Variants in COL9A2 observed in about 807,000 individuals in gnomAD.
COL9A2 encodes collagen type IX alpha 2 chain, also known as collagen alpha-2(IX) chain.
COL9A2 carries 66 observed loss-of-function variants against 111.6 expected under a neutral mutation model. That is an observed-to-expected ratio of 0.59 (90% CI 0.48 to 0.73). The LOEUF (loss-of-function observed/expected upper bound fraction) is 0.73. Among genes scored for constraint, COL9A2 ranks in the 30% least tolerant of loss-of-function variants. The pLI is 0.00. For synonymous variants in COL9A2, 353 were observed against 364.1 expected (o/e 0.97, Z 0.35); for missense variants, 881 against 954.1 (o/e 0.92, Z 1.01).
Position 40,310,976 on chromosome 1 carries a change from C to T in COL9A2, c.630+117G>A. 1.4e-6 allele frequency: 2 copies of T among 1,415,926 alleles called. No homozygotes were observed. Among genetic ancestry groups the T allele is most frequent in the Non-Finnish European group, 2.0e-6 (2 of 1,003,700 alleles). The allele number at this position is 1,415,926 out of a possible 1,614,324, so 87.7% of individuals were successfully genotyped here. On this transcript the variant is annotated intron_variant, in intron 12 of 31. Coordinates refer to ENST00000372748, the MANE Select transcript of COL9A2 (RefSeq NM_001852.4). The surrounding 1 kb of genome is among the most constrained non-coding windows in gnomAD (Gnocchi z 4.9). The stretch of plus-strand genomic sequence containing the variant: ...TGGAGCACAGGCCTCCAGCCCCCGG[C>T]TCAAGGCTCTGTCCCCAGAACCCAC...
In COL9A2 at chr1:40,302,899, C is replaced by A; in HGVS notation, c.1604-90G>T. 3 of 1,351,432 alleles carry A rather than the reference C, an allele frequency of 2.2e-6. No homozygotes were observed. The highest frequency in any genetic ancestry group is 1.3e-5 in the South Asian group (1 of 79,710). The allele number at this position is 1,351,432 out of a possible 1,614,324, so 83.7% of individuals were successfully genotyped here. On this transcript the variant is annotated intron_variant, in intron 29 of 31. Coordinates refer to ENST00000372748, the MANE Select transcript of COL9A2 (RefSeq NM_001852.4). This position sits in a 1 kb window ranked among gnomAD's most constrained non-coding sequence, Gnocchi z 4.5. ...GGGAGGCAGAGCATTCCGATGGGCC[C>A]TGGCCCCTAGGTTTGCAGACAGAAA...
Position 40,307,716 on chromosome 1 carries a change from G to A in COL9A2, c.941C>T (p.Thr314Met), listed in dbSNP as rs754230024. The change falls in exon 18 of 32, where the codon ACG (threonine) becomes ATG (methionine). Residue 314 changes from threonine to methionine, a missense_variant. Transcript: ENST00000372748. This position sits in a 1 kb window ranked among gnomAD's most constrained non-coding sequence, Gnocchi z 4.8. ...CCCCACTCCTACCTTCATGCCAGGC[G>A]TGCCTGGGGTCCCATCCTTGCCGTT... Reference protein sequence around the residue: ...GINGKDGTPGTPGMKGSAGQA... With the variant: ...GINGKDGTPGMPGMKGSAGQA... 9.3e-6 allele frequency: 15 copies of A among 1,614,064 alleles called. No individual in the cohort carries two copies. Among genetic ancestry groups the A allele is most frequent in the Admixed American group, 5.0e-5 (3 of 59,998 alleles).
In COL9A2 at chr1:40,311,385, C is replaced by G; in HGVS notation, c.520-99G>C. The stretch of plus-strand genomic sequence containing the variant: ...CTCCTCCGCCTCACCTGGTGGAACC[C>G]CTGCACTGCAGCCCCTCCCCATCTC... On this transcript the variant is annotated intron_variant, in intron 10 of 31. Transcript: ENST00000372748. This position sits in a 1 kb window ranked among gnomAD's most constrained non-coding sequence, Gnocchi z 5.1. 1.3e-6 allele frequency: 2 copies of G among 1,570,398 alleles called. No homozygotes were observed. Among genetic ancestry groups the G allele is most frequent in the Non-Finnish European group, 1.7e-6 (2 of 1,150,740 alleles).
chr1:40,309,341 T>A (rs1343537651), intron 16 of COL9A2, among the ~76,000 whole-genome samples: 9 of 150,938 alleles, frequency 6.0e-5, no homozygotes, highest in Admixed American at 4.6e-4. Flanking sequence ...GAAAATAATT[T>A]AAAAAACTAA....
rs1396260028 is a variant in COL9A2, at chr1:40,311,501, A to G, written c.518T>C (p.Leu173Pro). The G allele has an allele frequency of 2.7e-6, 4 of 1,497,752 alleles. No individual in the cohort carries two copies. The Admixed American group carries it at 5.7e-5, about 21-fold the overall frequency. 92.8% of individuals were successfully genotyped at this position (1,497,752 alleles called of 1,614,324 possible). A position where few individuals can be genotyped will look rare whatever the true frequency, so the allele number is the denominator to read the frequency against. ...IQGLEGSADF[L>P]CPTNCPPGMK... Reference sequence around the variant, plus strand: ...CCCGCCCCAGACCTCGTCTCTCACCAGGAAATCCGCACTGCCTTCCAGACC... The same window carrying G: ...CCCGCCCCAGACCTCGTCTCTCACCGGGAAATCCGCACTGCCTTCCAGACC... The change falls in exon 10 of 32, where the codon CTG becomes CCG. Residue 173 changes from leucine (L) to proline (P), a missense_variant and splice_region_variant. Leu to Pro is a moderately conservative substitution (Grantham distance 98). Transcript: ENST00000372748. This position sits in a 1 kb window ranked among gnomAD's most constrained non-coding sequence, Gnocchi z 5.1.
Position 40,301,400 on chromosome 1 carries a change from C to G in COL9A2, c.1871-19G>C. The G allele has an allele frequency of 6.3e-7, 1 of 1,599,854 alleles. No homozygotes were observed. Among genetic ancestry groups the G allele is most frequent in the South Asian group, 1.1e-5 (1 of 89,470 alleles). On this transcript the variant is annotated intron_variant, in intron 31 of 31. Coordinates refer to ENST00000372748, the MANE Select transcript of COL9A2 (RefSeq NM_001852.4). ...GGGAGTCCTGTGAACAGGAGAAAGT[C>G]AAGACATTAGGGGCACCTCTTGTCT...
At chr1:40,315,871 G>C (rs3895059) in intron 1 of COL9A2, 1 of 459,180 alleles carries the variant, frequency 2.2e-6, no homozygotes, top group Non-Finnish European at 3.9e-6. Flanking sequence ...GGAGGCGGGC[G>C]CTATTACGGG....
chr1:40,302,903 C>A lies in COL9A2; in HGVS notation c.1604-94G>T. On this transcript the variant is annotated intron_variant, in intron 29 of 31. Coordinates refer to ENST00000372748, the MANE Select transcript of COL9A2 (RefSeq NM_001852.4). The surrounding 1 kb of genome is among the most constrained non-coding windows in gnomAD (Gnocchi z 4.5). ...GGCAGAGCATTCCGATGGGCCCTGG[C>A]CCCTAGGTTTGCAGACAGAAAAGCA... 1 of 1,342,334 alleles carries A rather than the reference C, an allele frequency of 7.4e-7. No homozygotes were observed. The highest frequency in any genetic ancestry group is 1.0e-6 in the Non-Finnish European group (1 of 969,822). 83.2% of individuals were successfully genotyped at this position (1,342,334 alleles called of 1,614,324 possible). A position where few individuals can be genotyped will look rare whatever the true frequency, so the allele number is the denominator to read the frequency against.
At position 40,314,204 on chromosome 1, in the gene COL9A2, C is replaced by T. The variant is rs1211057979; in HGVS notation, c.249+1G>A. The T allele has an allele frequency of 3.1e-6, 5 of 1,614,112 alleles. No individual in the cohort carries two copies. The highest frequency in any genetic ancestry group is 1.3e-5 in the African/African-American group (1 of 74,936). On this transcript the variant is annotated splice_donor_variant, in intron 4 of 31. Coordinates refer to ENST00000372748, the MANE Select transcript of COL9A2 (RefSeq NM_001852.4). LOFTEE classifies it high-confidence loss of function. This position sits in a 1 kb window ranked among gnomAD's most constrained non-coding sequence, Gnocchi z 4.1. ...GCCCCACCCGACACTCAGCTACTCACATCAATCCCGGGCTTCCCGTCTGGC... is the reference window on the plus strand; with the variant it reads ...GCCCCACCCGACACTCAGCTACTCATATCAATCCCGGGCTTCCCGTCTGGC...
At position 40,316,776 on chromosome 1, in the gene COL9A2, G is replaced by A; in HGVS notation, c.75+347C>T. 1 of 382,078 alleles carries A rather than the reference G, an allele frequency of 2.6e-6. No homozygotes were observed. Among genetic ancestry groups the A allele is most frequent in the Non-Finnish European group, 4.8e-6 (1 of 207,942 alleles). The allele number at this position is 382,078 out of a possible 1,614,324, so 23.7% of individuals were successfully genotyped here. On this transcript the variant is annotated intron_variant, in intron 1 of 31. Transcript: ENST00000372748. The surrounding 1 kb of genome is among the most constrained non-coding windows in gnomAD (Gnocchi z 5.5). ...CGGCGCCCCCTGGGAGGCGGCGGGG[G>A]CGGAGGCTGCGCAGCGGGTGAATGA... is the stretch of plus-strand genomic sequence containing the variant.
In COL9A2 at chr1:40,301,069, C is replaced by A; in HGVS notation, c.*113G>T. 2.6e-6 allele frequency: 3 copies of A among 1,133,224 alleles called. No individual in the cohort carries two copies. Among genetic ancestry groups the A allele is most frequent in the African/African-American group, 1.5e-5 (1 of 65,218 alleles). The allele number at this position is 1,133,224 out of a possible 1,614,324, so 70.2% of individuals were successfully genotyped here. ...TTCCTTAGGACTCCTGAGTCCCAGA[C>A]AGAAGGTCCTGGGGGAGATGGTTTC... On this transcript the variant is annotated 3_prime_UTR_variant, in exon 32 of 32. Transcript: ENST00000372748.
rs1310872986 is a variant in COL9A2, at chr1:40,302,518, G to A, written c.1792+103C>T. 18 of 1,317,720 alleles carry A rather than the reference G, an allele frequency of 1.4e-5. No individual in the cohort carries two copies. Among genetic ancestry groups the A allele is most frequent in the Admixed American group, 9.9e-5 (5 of 50,402 alleles). The allele number at this position is 1,317,720 out of a possible 1,614,324, so 81.6% of individuals were successfully genotyped here. A position where few individuals can be genotyped will look rare whatever the true frequency, so the allele number is the denominator to read the frequency against. Reference sequence around the variant, plus strand: ...TCCTGGACCATGTGGCTGAGGAACCGGGGAAGGGTCTGTATGTCATCCTGA... The same window carrying A: ...TCCTGGACCATGTGGCTGAGGAACCAGGGAAGGGTCTGTATGTCATCCTGA... On this transcript the variant is annotated intron_variant, in intron 30 of 31. Coordinates refer to ENST00000372748, the MANE Select transcript of COL9A2 (RefSeq NM_001852.4). The surrounding 1 kb of genome is among the most constrained non-coding windows in gnomAD (Gnocchi z 4.5).
Position 40,316,927 on chromosome 1 carries a change from C to G in COL9A2, c.75+196G>C, listed in dbSNP as rs1644228154. Among the ~76,000 whole-genome samples the G allele has an allele frequency of 6.6e-6, 1 of 152,178 alleles. No individual in the cohort carries two copies. On this transcript the variant is annotated intron_variant, in intron 1 of 31. Transcript: ENST00000372748. The surrounding 1 kb of genome is among the most constrained non-coding windows in gnomAD (Gnocchi z 5.5). The stretch of plus-strand genomic sequence containing the variant: ...GGACGGGTCCCGTTTGACTCTCCGG[C>G]TCAGCCACCTCCATTCACGGTGCCG...
Position 40,303,184 on chromosome 1 carries a change from C to T in COL9A2, c.1550G>A (p.Gly517Asp), listed in dbSNP as rs1344281914. The T allele has an allele frequency of 1.2e-6, 2 of 1,610,974 alleles. No individual in the cohort carries two copies. The highest frequency in any genetic ancestry group is 1.7e-6 in the Non-Finnish European group (2 of 1,178,676). The change falls in exon 29 of 32, where the codon GGC (glycine) becomes GAC (aspartate). Residue 517 changes from glycine to aspartate, a missense_variant and splice_region_variant. By Grantham distance (94) the Gly-to-Asp change is moderately conservative. Transcript: ENST00000372748. This position sits in a 1 kb window ranked among gnomAD's most constrained non-coding sequence, Gnocchi z 4.6. The stretch of plus-strand genomic sequence containing the variant: ...GATGTGCTGGTCAGTGGCATCCCGG[C>T]CCTGAAAGCAGAGGCCTTTCAGGAA... The part of the protein sequence containing the change: ...PGQPGRQGVE[G>D]RDATDQHIVD...
At position 40,307,668 on chromosome 1, in the gene COL9A2, C is replaced by T. The variant is rs775901497; in HGVS notation, c.954+35G>A. The T allele has an allele frequency of 1.2e-6, 2 of 1,612,652 alleles. No individual in the cohort carries two copies. The highest frequency in any genetic ancestry group is 8.5e-7 in the Non-Finnish European group (1 of 1,178,934). On this transcript the variant is annotated intron_variant, in intron 18 of 31. Coordinates refer to ENST00000372748, the MANE Select transcript of COL9A2 (RefSeq NM_001852.4). The surrounding 1 kb of genome is among the most constrained non-coding windows in gnomAD (Gnocchi z 4.8). ...TAGAATCCAGGACTCAAGGTCCTGC[C>T]CCTGCCCCAGTCCCATCAGCAGCCC... is the stretch of plus-strand genomic sequence containing the variant.
At position 40,311,943 on chromosome 1, in the gene COL9A2, TG is replaced by T; in HGVS notation, c.417+115del. 1 of 1,209,144 alleles carries T rather than the reference TG, an allele frequency of 8.3e-7. No individual in the cohort carries two copies. The highest frequency in any genetic ancestry group is 1.5e-5 in the African/African-American group (1 of 66,646). 74.9% of individuals were successfully genotyped at this position (1,209,144 alleles called of 1,614,324 possible). A position where few individuals can be genotyped will look rare whatever the true frequency, so the allele number is the denominator to read the frequency against. On this transcript the variant is annotated intron_variant, in intron 8 of 31. Coordinates refer to ENST00000372748, the MANE Select transcript of COL9A2 (RefSeq NM_001852.4). This position sits in a 1 kb window ranked among gnomAD's most constrained non-coding sequence, Gnocchi z 5.1. ...ATAGGAGGGGTTTCTGCCCCAGACCTGGAGGAGTTTCCCAGTGGCCAGGAGC... is the reference window on the plus strand; with the variant it reads ...ATAGGAGGGGTTTCTGCCCCAGACCTGAGGAGTTTCCCAGTGGCCAGGAGC...
intron 20 of COL9A2, 113 bp downstream of exon 20, chr1:40,306,030 A>G (rs1346067935): frequency 7.8e-7 from 1 of 1,277,806 alleles, no homozygotes; most frequent in Non-Finnish European, 1.1e-6. Flanking sequence ...GTTAGGCCCA[A>G]GGGGCTTATG....
chr1:40,313,099 T>C (rs1557804466), intron 4 of COL9A2, among the ~76,000 whole-genome samples: 1 of 152,222 alleles, frequency 6.6e-6, no homozygotes, highest in Non-Finnish European at 1.5e-5. Flanking sequence ...GATTGGTCAT[T>C]TGCTTGATGT....
chr1:40,303,125 C>T lies in COL9A2; in HGVS notation c.1603+6G>A. 1 of 1,612,134 alleles carries T rather than the reference C, an allele frequency of 6.2e-7. No individual in the cohort carries two copies. The stretch of plus-strand genomic sequence containing the variant: ...CTGACTGTGAGGAGGGGTTGCTGCC[C>T]CTCACCTTGCAGCATCTTCAGCGCC... On this transcript the variant is annotated splice_donor_region_variant and intron_variant, in intron 29 of 31. Transcript: ENST00000372748. This position sits in a 1 kb window ranked among gnomAD's most constrained non-coding sequence, Gnocchi z 4.6.
Sources: gnomAD v4.1 joint callset for allele counts (sites outside exome capture counted in the v4.1 genomes callset) on GRCh38, gnomAD v4.1.1 for gene constraint, Gnocchi (gnomAD v3.1) non-coding constraint, MANE v1.5 for transcripts, NCBI Gene and HGNC (gene_info 2026-07-23, HGNC 2026-07-21) for gene names.